The following SUMF1 variants were observed in gnomAD, a reference collection of about 807,000 sequenced individuals.
The protein encoded by SUMF1 is sulfatase modifying factor 1, also known as formylglycine-generating enzyme.
A neutral mutation model predicts 47.6 loss-of-function variants in SUMF1; 48 were observed. The ratio of observed to expected loss-of-function variants is 1.01; its 90% CI spans 0.80 to 1.28. The LOEUF (loss-of-function observed/expected upper bound fraction) is 1.28, where lower values mean the gene tolerates loss of function less well. Ranked by LOEUF, SUMF1 falls within the 50% of genes most tolerant of loss-of-function variation. The pLI is 0.00. For synonymous variants in SUMF1, 230 were observed against 192.1 expected (o/e 1.20, Z -1.63); for missense variants, 571 against 485.4 (o/e 1.18, Z -1.66).
chr3:4,063,114 T>A (rs1416561503), intron 9 of SUMF1, among the ~76,000 whole-genome samples: 1 of 152,096 alleles, frequency 6.6e-6, no homozygotes, highest in South Asian at 2.1e-4. Flanking sequence ...TCTGAGAGAC[T>A]ACACTTTTAT....
At chr3:4,156,936 G>A (rs1278299349) in intron 8 of SUMF1, among the ~76,000 whole-genome samples, 2 of 151,730 alleles carry the variant, frequency 1.3e-5, no homozygotes, top group Admixed American at 1.3e-4. Flanking sequence ...ATATGCAAAT[G>A]TATGCCATCA....
chr3:4,100,749 T>C (rs910338808), intron 8 of SUMF1, among the ~76,000 whole-genome samples: 4 of 152,170 alleles, frequency 2.6e-5, no homozygotes, highest in African/African-American at 9.6e-5. Flanking sequence ...TTTCAAATCA[T>C]GTATCAGATA....
intron 9 of SUMF1, among the ~76,000 whole-genome samples, chr3:4,043,127 C>G (rs1694940579): frequency 6.6e-6 from 1 of 152,098 alleles, no homozygotes; most frequent in African/African-American, 2.4e-5. Context: ...GATCCCTCTA[C>G]AACTTCGACT....
intron 8 of SUMF1, among the ~76,000 whole-genome samples, chr3:4,278,214 A>C (rs571693021): frequency 1.3e-5 from 2 of 152,126 alleles, no homozygotes; most frequent in South Asian, 2.1e-4. Flanking sequence ...ACCTTGGAAA[A>C]ATATTATGGC....
At chr3:4,426,977 T>TG (rs1223072445) in intron 3 of SUMF1, among the ~76,000 whole-genome samples, 23 of 152,152 alleles carry the variant, frequency 1.5e-4, no homozygotes. Flanking sequence ...CCTTGAGAAA[T>TG]GGACTTCAGA....
In SUMF1 at chr3:4,252,352, GCACACA is replaced by G. The variant is rs142977510; in HGVS notation, c.1014+123972_1014+123977del. On this transcript the variant is annotated intron_variant and NMD_transcript_variant, in intron 8 of 12. Coordinates refer to the SUMF1 transcript ENST00000448413. ...GGATTCGCTCCAAATACACACATGC[GCACACA>G]CACACACACACACACACACACCCCA... Among the ~76,000 whole-genome samples the G allele has an allele frequency of 2.6e-3, 338 of 129,670 alleles. 2 individuals are homozygous for G. The highest frequency in any genetic ancestry group is 7.7e-3 in the African/African-American group (285 of 37,088). 85.1% of individuals were successfully genotyped at this position (129,670 alleles called of 152,430 possible). A position where few individuals can be genotyped will look rare whatever the true frequency, so the allele number is the denominator to read the frequency against.
At chr3:4,181,894 T>C (rs1028460206) in intron 8 of SUMF1, among the ~76,000 whole-genome samples, 1 of 152,086 alleles carries the variant, frequency 6.6e-6, no homozygotes, top group Admixed American at 6.5e-5. Flanking sequence ...GCTGATTGGC[T>C]GTCTGTGCTA....
At chr3:4,447,878 T>C (rs17040698) in intron 3 of SUMF1, among the ~76,000 whole-genome samples, 5,166 of 152,144 alleles carry the variant, frequency 0.034, 144 homozygotes, top group East Asian at 0.16. Flanking sequence ...CCTAATGTGT[T>C]TGGAGGTTCT....
chr3:4,409,542 C>A (rs1003496692), intron 7 of SUMF1, among the ~76,000 whole-genome samples: 1 of 152,216 alleles, frequency 6.6e-6, no homozygotes, highest in African/African-American at 2.4e-5. Flanking sequence ...TGTGCACCCC[C>A]TTCCAAGCAT....
At chr3:4,223,538 A>G (rs913318441) in intron 8 of SUMF1, among the ~76,000 whole-genome samples, 1 of 151,948 alleles carries the variant, frequency 6.6e-6, no homozygotes, top group Non-Finnish European at 1.5e-5. Flanking sequence ...CTACTTCCAC[A>G]CTGGTTTCGT....
At chr3:4,180,289 C>T (rs1277014789) in intron 8 of SUMF1, among the ~76,000 whole-genome samples, 4 of 152,240 alleles carry the variant, frequency 2.6e-5, no homozygotes, top group East Asian at 1.9e-4. Flanking sequence ...GGCTTGGAAC[C>T]AACCCAAATG....
intron 8 of SUMF1, among the ~76,000 whole-genome samples, chr3:4,139,342 A>C (rs991918278): frequency 1.3e-5 from 2 of 151,966 alleles, no homozygotes; most frequent in African/African-American, 4.8e-5. Context: ...CTCATTCATC[A>C]ACTGCAACCA....
At chr3:4,449,755 C>T (rs1702907782) in intron 2 of SUMF1, among the ~76,000 whole-genome samples, 1 of 152,238 alleles carries the variant, frequency 6.6e-6, no homozygotes, top group African/African-American at 2.4e-5. Flanking sequence ...CATTCTGACA[C>T]ATTCTAGTTC....
intron 8 of SUMF1, among the ~76,000 whole-genome samples, chr3:4,135,655 C>T (rs536183906): frequency 5.8e-4 from 89 of 152,156 alleles, no homozygotes; most frequent in African/African-American, 2.0e-3. Context: ...AAATAAAGGG[C>T]ATTCAATTAG....
At chr3:4,203,100 G>C (rs1440916776) in intron 8 of SUMF1, among the ~76,000 whole-genome samples, 1 of 151,848 alleles carries the variant, frequency 6.6e-6, no homozygotes, top group Non-Finnish European at 1.5e-5. Context: ...GTATCAAATA[G>C]ACCATTTGGT....
intron 8 of SUMF1, among the ~76,000 whole-genome samples, chr3:4,339,706 T>A (rs1158251497): frequency 6.6e-6 from 1 of 152,206 alleles, no homozygotes; most frequent in Non-Finnish European, 1.5e-5. Flanking sequence ...CTAGGACATC[T>A]GGGCAATGCA....
intron 8 of SUMF1, among the ~76,000 whole-genome samples, chr3:4,214,490 A>T (rs567350122): frequency 6.6e-6 from 1 of 152,324 alleles, no homozygotes; most frequent in East Asian, 1.9e-4. Context: ...CATCGCAATG[A>T]AAAGAACTCG....
intron 4 of SUMF1, 123 bp downstream of exon 4, chr3:4,419,941 A>T: frequency 1.2e-6 from 1 of 806,996 alleles, no homozygotes; most frequent in Non-Finnish European, 2.1e-6. Flanking sequence ...CCTACCAATC[A>T]ATTACAGTTT....
intron 8 of SUMF1, among the ~76,000 whole-genome samples, chr3:4,196,006 G>T (rs907221914): frequency 6.6e-6 from 1 of 152,064 alleles, no homozygotes; most frequent in Admixed American, 6.6e-5. Flanking sequence ...TAATAATTTA[G>T]ATCATATCAA....
Sources: allele counts gnomAD v4.1 joint callset (sites outside exome capture counted in the v4.1 genomes callset), GRCh38; gene constraint gnomAD v4.1.1; transcripts MANE v1.5; gene names NCBI Gene and HGNC (gene_info 2026-07-23, HGNC 2026-07-21).